The following AGR3 variants were observed in gnomAD, a reference collection of about 807,000 sequenced individuals.
The protein encoded by AGR3 is anterior gradient 3, protein disulphide isomerase family member.
A neutral mutation model predicts 24.5 loss-of-function variants in AGR3; 37 were observed. The observed-to-expected ratio is 1.51, with a 90% CI of 1.16 to 1.99. AGR3 has a LOEUF of 1.99. AGR3 is among the 30% of genes most tolerant of loss of function. The pLI is 0.00. For synonymous variants in AGR3, 75 were observed against 61.6 expected (o/e 1.22, Z -1.02); for missense variants, 228 against 191.1 (o/e 1.19, Z -1.14).
intron 4 of AGR3, 51 bp from the exon 5 acceptor site, chr7:16,862,111 T>A: frequency 7.6e-7 from 1 of 1,308,408 alleles, no homozygotes; most frequent in Non-Finnish European, 1.1e-6. Flanking sequence ...AAGAGACCTT[T>A]AATGTAACAT....
At chr7:16,871,024 A>G (rs753314044) in intron 3 of AGR3, among the ~76,000 whole-genome samples, 32 of 152,314 alleles carry the variant, frequency 2.1e-4, no homozygotes, top group Non-Finnish European at 4.0e-4. Context: ...TTTAAGAATA[A>G]AAATGGTATA....
At chr7:16,866,133 T>A (rs1562547010) in intron 3 of AGR3, 2 of 543,750 alleles carry the variant, frequency 3.7e-6, no homozygotes. Context: ...TGGAAATATC[T>A]TACTTTCTAA....
intron 3 of AGR3, chr7:16,865,818 G>A (rs1329346962): frequency 9.4e-6 from 7 of 745,608 alleles, no homozygotes; most frequent in Non-Finnish European, 1.5e-5. Flanking sequence ...GGTAAAACTG[G>A]ATTAATCCAC....
chr7:16,866,174 T>G (rs1421964592), intron 3 of AGR3: 2 of 527,984 alleles, frequency 3.8e-6, no homozygotes, highest in Admixed American at 4.7e-5. Flanking sequence ...CTCTATGACT[T>G]GAGTTATTCA....
intron 1 of AGR3, among the ~76,000 whole-genome samples, chr7:16,879,780 A>C (rs1416684536): frequency 6.6e-6 from 1 of 152,226 alleles, no homozygotes; most frequent in South Asian, 2.1e-4. Flanking sequence ...TATAAGACAC[A>C]ATGTTTTGGC....
chr7:16,860,400 G>T, intron 7 of AGR3, 100 bp downstream of exon 7: 1 of 886,600 alleles, frequency 1.1e-6, no homozygotes, highest in Non-Finnish European at 1.9e-6. Context: ...TAGCCTCAGT[G>T]ACTGGTGTGT....
intron 3 of AGR3, among the ~76,000 whole-genome samples, chr7:16,868,656 T>A (rs1347142557): frequency 6.6e-6 from 1 of 152,206 alleles, no homozygotes; most frequent in Non-Finnish European, 1.5e-5. Flanking sequence ...TTTAGTTTGA[T>A]GTAATCTCAC....
intron 7 of AGR3, 188 bp downstream of exon 7, chr7:16,860,312 C>T: frequency 1.8e-6 from 1 of 543,174 alleles, no homozygotes; most frequent in Non-Finnish European, 3.3e-6. Flanking sequence ...TTAGACATCC[C>T]TGTTAAAATA....
rs758255423 is a variant in AGR3 at position 16,873,846 on chromosome 7, GA to G, written c.110-4del. The G allele has an allele frequency of 6.2e-5, 100 of 1,610,388 alleles. No homozygotes were observed. The highest frequency in any genetic ancestry group is 8.2e-5 in the Non-Finnish European group (97 of 1,177,348). On this transcript the variant is annotated splice_region_variant and splice_polypyrimidine_tract_variant and intron_variant, in intron 2 of 7. Coordinates refer to ENST00000310398, the MANE Select transcript of AGR3 (RefSeq NM_176813.5). Reference sequence around the variant, plus strand: ...CCAAGTGATGTCATCTCCCCATCCTGAAATAGAAGAGAGAAATCAATGCAGT... The same window carrying G: ...CCAAGTGATGTCATCTCCCCATCCTGAATAGAAGAGAGAAATCAATGCAGT...
chr7:16,878,081 T>C (rs1782024633), intron 2 of AGR3, among the ~76,000 whole-genome samples: 1 of 151,838 alleles, frequency 6.6e-6, no homozygotes, highest in South Asian at 2.1e-4. Context: ...GGGTATAGTA[T>C]AATTTTCTGG....
rs190685077 is a variant in AGR3 at position 16,870,439 on chromosome 7, T to G, written c.173+3341A>C. On this transcript the variant is annotated intron_variant, in intron 3 of 7. Coordinates refer to ENST00000310398, the MANE Select transcript of AGR3 (RefSeq NM_176813.5). ...GAAAAATGTTAGTAATTGTTGTGGT[T>G]GTAGATATACTTGTCTTATCCACAC... Among the ~76,000 whole-genome samples the G allele has an allele frequency of 1.9e-4, 29 of 152,228 alleles. No homozygotes were observed. The East Asian group carries it at 4.8e-3, about 25-fold the overall frequency.
Position 16,873,837 on chromosome 7 carries a change from C to T in AGR3, c.116G>A (p.Gly39Glu). The change falls in exon 3 of 8, where the codon GGA (glycine) becomes GAA (glutamate). Residue 39 changes from glycine to glutamate, a missense_variant. Physicochemically the swap from Gly to Glu is moderately conservative, Grantham distance 98. Transcript: ENST00000310398. ...RPPQTLSRGW[G>E]DDITWVQTYE... ...AGTTTGTACCCAAGTGATGTCATCT[C>T]CCCATCCTGAAATAGAAGAGAGAAA... 1 of 1,612,250 alleles carries T rather than the reference C, an allele frequency of 6.2e-7. No individual in the cohort carries two copies. Among genetic ancestry groups the T allele is most frequent in the Non-Finnish European group, 8.5e-7 (1 of 1,178,734 alleles).
chr7:16,872,546 G>A (rs548153610), intron 3 of AGR3, among the ~76,000 whole-genome samples: 183 of 152,100 alleles, frequency 1.2e-3, no homozygotes, highest in African/African-American at 4.2e-3. Flanking sequence ...ATTGTTCCCT[G>A]CAAAAAAATG....
chr7:16,856,096 A>T (rs560914602), downstream of AGR3, among the ~76,000 whole-genome samples: 1 of 152,236 alleles, frequency 6.6e-6, no homozygotes, highest in Admixed American at 6.5e-5. Context: ...ACATTATTTT[A>T]TTAGGTTATT....
At chr7:16,880,731 C>T (rs765759508) in intron 1 of AGR3, among the ~76,000 whole-genome samples, 2 of 151,958 alleles carry the variant, frequency 1.3e-5, no homozygotes, top group Admixed American at 6.6e-5. Flanking sequence ...TACCTTAAGG[C>T]CTTGGTCATC....
At chr7:16,870,126 T>C (rs926339114) in intron 3 of AGR3, among the ~76,000 whole-genome samples, 5 of 152,042 alleles carry the variant, frequency 3.3e-5, no homozygotes, top group Non-Finnish European at 5.9e-5. Flanking sequence ...TAGGTTCTTA[T>C]AGATTTTGCA....
At chr7:16,879,743 G>C (rs947322780) in intron 1 of AGR3, among the ~76,000 whole-genome samples, 1 of 152,180 alleles carries the variant, frequency 6.6e-6, no homozygotes, top group African/African-American at 2.4e-5. Flanking sequence ...TTTTATTGTA[G>C]TAGGCATTGT....
chr7:16,865,260 T>C, intron 3 of AGR3: 1 of 895,102 alleles, frequency 1.1e-6, no homozygotes, highest in Non-Finnish European at 1.8e-6. Context: ...TGGCCATAAG[T>C]TGTTTTCTCC....
intron 3 of AGR3, among the ~76,000 whole-genome samples, chr7:16,869,971 T>C (rs1008316922): frequency 6.6e-6 from 1 of 152,092 alleles, no homozygotes; most frequent in African/African-American, 2.4e-5. Flanking sequence ...TTTTAAAAAA[T>C]CTTATCACAA....
Sources: allele counts gnomAD v4.1 joint callset (sites outside exome capture counted in the v4.1 genomes callset), GRCh38; gene constraint gnomAD v4.1.1; transcripts MANE v1.5; gene names NCBI Gene and HGNC (gene_info 2026-07-23, HGNC 2026-07-21).